The following PCDHGA4 variants were observed in gnomAD, a reference collection of about 807,000 sequenced individuals.
PCDHGA4 encodes protocadherin gamma subfamily A, 4, also known as protocadherin gamma-A4.
PCDHGA4 carries 38 observed loss-of-function variants against 54.6 expected under a neutral mutation model. The observed-to-expected ratio is 0.70, with a 90% CI of 0.54 to 0.91. The LOEUF (loss-of-function observed/expected upper bound fraction) is 0.91, where lower values mean the gene tolerates loss of function less well. PCDHGA4 is among the 40% of genes least tolerant of loss of function. The probability of loss-of-function intolerance (pLI) is 0.00; values close to 1 mark genes in which losing one functional copy is unlikely to be tolerated. For synonymous variants in PCDHGA4, 511 were observed against 512.9 expected (o/e 1.00, Z 0.05); for missense variants, 1,298 against 1,220.9 (o/e 1.06, Z -0.94).
intron 1 of PCDHGA4, chr5:141,422,772 C>A: frequency 6.2e-7 from 1 of 1,613,922 alleles, no homozygotes. Flanking sequence ...CTGGTGTTCT[C>A]TATGCCCTAC....
chr5:141,412,805 A>G (rs2095578499), intron 1 of PCDHGA4, among the ~76,000 whole-genome samples: 1 of 152,246 alleles, frequency 6.6e-6, no homozygotes, highest in Non-Finnish European at 1.5e-5. Context: ...ACCTCCCCTA[A>G]GAAACCTACA....
In PCDHGA4 at chr5:141,476,802, C is replaced by T; in HGVS notation, c.2515-18005C>T. 2 of 1,613,638 alleles carry T rather than the reference C, an allele frequency of 1.2e-6. No homozygotes were observed. The highest frequency in any genetic ancestry group is 1.7e-6 in the Non-Finnish European group (2 of 1,180,020). On this transcript the variant is annotated intron_variant, in intron 1 of 3. Coordinates refer to ENST00000571252, the MANE Select transcript of PCDHGA4 (RefSeq NM_018917.4). The surrounding 1 kb of genome is among the most constrained non-coding windows in gnomAD (Gnocchi z 7.6). ...ACCCCAGCTCTCTCCGCCAGCCTGC[C>T]TATTCACATCAAGGTGCTGGACGCG... is the stretch of plus-strand genomic sequence containing the variant.
intron 1 of PCDHGA4, among the ~76,000 whole-genome samples, chr5:141,474,588 A>G (rs2099351676): frequency 6.6e-6 from 1 of 152,258 alleles, no homozygotes; most frequent in Non-Finnish European, 1.5e-5. Context: ...TGTTAAAGAC[A>G]TGGAAATATA....
At chr5:141,419,505 G>C in intron 1 of PCDHGA4, 1 of 1,612,324 alleles carries the variant, frequency 6.2e-7, no homozygotes, top group Non-Finnish European at 8.5e-7. Flanking sequence ...GTGAGCCTGC[G>C]CGTGTTGGTG....
chr5:141,506,935 G>A (rs1375246477), intron 3 of PCDHGA4, among the ~76,000 whole-genome samples: 3 of 152,116 alleles, frequency 2.0e-5, no homozygotes, highest in African/African-American at 7.2e-5. Context: ...AACTTTAGGG[G>A]CCTCCTGTCA....
At position 141,485,848 on chromosome 5, in the gene PCDHGA4, C is replaced by G. The variant is rs1416763615; in HGVS notation, c.2515-8959C>G. 1.9e-6 allele frequency: 3 copies of G among 1,614,076 alleles called. No individual in the cohort carries two copies. The highest frequency in any genetic ancestry group is 1.1e-5 in the South Asian group (1 of 91,084). On this transcript the variant is annotated intron_variant, in intron 1 of 3. Coordinates refer to ENST00000571252, the MANE Select transcript of PCDHGA4 (RefSeq NM_018917.4). This position sits in a 1 kb window ranked among gnomAD's most constrained non-coding sequence, Gnocchi z 5.7. The stretch of plus-strand genomic sequence containing the variant: ...GAGGGAACCCGCCGAGATCTGGCAC[C>G]GCAGAGCTCCGGGTATCCGTGCTGG...
rs535871341 is a variant in PCDHGA4 at position 141,382,152 on chromosome 5, A to G, written c.2514+24531A>G. Among the ~76,000 whole-genome samples, 62 of 152,216 alleles carry G rather than the reference A, an allele frequency of 4.1e-4. 1 individual carries two copies. Among genetic ancestry groups the G allele is most frequent in the African/African-American group, 1.4e-3 (59 of 41,532 alleles). The stretch of plus-strand genomic sequence containing the variant: ...CCCCCCTCTCATTTTTTAAACGGTT[A>G]AAATGAAGGTGTTAGACCGTCTCTA... On this transcript the variant is annotated intron_variant, in intron 1 of 3. Transcript: ENST00000571252.
intron 1 of PCDHGA4, among the ~76,000 whole-genome samples, chr5:141,368,418 C>T (rs900475328): frequency 3.3e-5 from 5 of 151,998 alleles, no homozygotes; most frequent in Admixed American, 2.0e-4. Flanking sequence ...CACACATGGA[C>T]ATTCTGACCA....
chr5:141,394,926 C>T, intron 1 of PCDHGA4: 2 of 1,613,844 alleles, frequency 1.2e-6, no homozygotes, highest in Non-Finnish European at 1.7e-6. Context: ...CTGTGTCTTC[C>T]TCGCCTTTGT....
chr5:141,413,045 G>A, intron 1 of PCDHGA4: 1 of 894,362 alleles, frequency 1.1e-6, no homozygotes, highest in South Asian at 1.9e-5. Flanking sequence ...CTGGGCTGCA[G>A]GGAAGCTCAC....
chr5:141,370,804 T>C lies in PCDHGA4; in HGVS notation c.2514+13183T>C, dbSNP rs565720476. 223 of 1,614,010 alleles carry C rather than the reference T, an allele frequency of 1.4e-4. 3 individuals are homozygous for C. The Middle Eastern group carries it at 3.0e-3, about 21-fold the overall frequency. On this transcript the variant is annotated intron_variant, in intron 1 of 3. Coordinates refer to ENST00000571252, the MANE Select transcript of PCDHGA4 (RefSeq NM_018917.4). ...AACCCACCGACCTTTAGCCAAAATA[T>C]CACTGAGCTGGAAATCAGCGAACTG...
In PCDHGA4 at chr5:141,511,070, G is replaced by A. The variant is rs1341623011; in HGVS notation, c.2786G>A (p.Gly929Asp). ...PDYRQNVYIP[G>D]SNATLTNAAG... ...TACCGCCAGAATGTCTACATCCCAG[G>A]CAGCAATGCCACACTGACCAACGCA... The change falls in exon 4 of 4, where the codon GGC (glycine) becomes GAC (aspartate). Residue 929 changes from glycine to aspartate, a missense_variant. Physicochemically the swap from Gly to Asp is moderately conservative, Grantham distance 94 (BLOSUM62 -1). Transcript: ENST00000571252. 2.5e-6 allele frequency: 4 copies of A among 1,614,218 alleles called. No homozygotes were observed. Among genetic ancestry groups the A allele is most frequent in the Admixed American group, 1.7e-5 (1 of 60,030 alleles).
intron 3 of PCDHGA4, among the ~76,000 whole-genome samples, 193 bp downstream of exon 3, chr5:141,505,674 G>C (rs1482125302): frequency 6.6e-6 from 1 of 152,192 alleles, no homozygotes; most frequent in East Asian, 1.9e-4. Context: ...GGGGTTGGGG[G>C]TCCTGGGATG....
intron 1 of PCDHGA4, among the ~76,000 whole-genome samples, chr5:141,482,127 T>C (rs2099553382): frequency 6.6e-6 from 1 of 151,774 alleles, no homozygotes; most frequent in African/African-American, 2.4e-5. Flanking sequence ...GGGAGAATCA[T>C]ATGGCTGGCA....
At chr5:141,494,714 C>G in intron 1 of PCDHGA4, 93 bp from the exon 2 acceptor site, 2 of 1,603,958 alleles carry the variant, frequency 1.2e-6, no homozygotes, top group East Asian at 4.5e-5. Context: ...TGTGCCCACT[C>G]CCCTCCTTCT....
chr5:141,387,752 GGAAAAAGAAGAATTTTTTCTT>G, intron 1 of PCDHGA4: 1 of 1,398,886 alleles, frequency 7.1e-7, no homozygotes, highest in Non-Finnish European at 9.5e-7. Context: ...CTTCCTCCTC[GGAAAAAGAAGAATTTTTTCTT>G]GAACTGGAAC....
rs2093981639 is a variant in PCDHGA4 at position 141,400,215 on chromosome 5, A to G, written c.2514+42594A>G. On this transcript the variant is annotated intron_variant, in intron 1 of 3. Transcript: ENST00000571252. ...TAGTGGTGGCCTTGGCCTTGATCTC[A>G]GTGCTCTTCCTCCTGGCCGTGATTC... 3 of 1,613,736 alleles carry G rather than the reference A, an allele frequency of 1.9e-6. No individual in the cohort carries two copies. The East Asian group carries it at 6.7e-5, about 36-fold the overall frequency.
chr5:141,470,565 A>T (rs2099233471), intron 1 of PCDHGA4, among the ~76,000 whole-genome samples: 1 of 152,172 alleles, frequency 6.6e-6, no homozygotes, highest in African/African-American at 2.4e-5. Context: ...CCTCTGTGCC[A>T]AGCAGGATCA....
At position 141,404,170 on chromosome 5, in the gene PCDHGA4, G is replaced by A. The variant is rs73279089; in HGVS notation, c.2514+46549G>A. 22 of 1,612,630 alleles carry A rather than the reference G, an allele frequency of 1.4e-5. No individual in the cohort carries two copies. In the East Asian group the frequency reaches 1.8e-4, roughly 13 times the overall value. On this transcript the variant is annotated intron_variant, in intron 1 of 3. Coordinates refer to ENST00000571252, the MANE Select transcript of PCDHGA4 (RefSeq NM_018917.4). ...AAGAAGATTATTACAGATTGTTGACGGCCCAAATTCTTGACCGAGAAAAAG... is the reference window on the plus strand; with the variant it reads ...AAGAAGATTATTACAGATTGTTGACAGCCCAAATTCTTGACCGAGAAAAAG...
Sources: gnomAD v4.1 joint callset for allele counts (sites outside exome capture counted in the v4.1 genomes callset) on GRCh38, gnomAD v4.1.1 for gene constraint, Gnocchi (gnomAD v3.1) non-coding constraint, MANE v1.5 for transcripts, NCBI Gene and HGNC (gene_info 2026-07-23, HGNC 2026-07-21) for gene names.